IL15: variants seen among roughly 807,000 people sequenced by gnomAD.
IL15 encodes interleukin 15, also known as interleukin-15.
In IL15, 11 loss-of-function variants were observed where a neutral mutation model predicts 19.6. That is an observed-to-expected ratio of 0.56 (90% CI 0.35 to 0.93). The LOEUF (loss-of-function observed/expected upper bound fraction) is 0.93. IL15 is among the 40% of genes least tolerant of loss of function. The pLI is 0.01. For synonymous variants in IL15, 58 were observed against 59.6 expected, an observed-to-expected ratio of 0.97 and a Z score of 0.12; for missense variants, 197 against 186.5, an observed-to-expected ratio of 1.06 and a Z score of -0.33.
chr4:141,686,191 A>G (rs1178504449), intron 2 of IL15, among the ~76,000 whole-genome samples: 1 of 152,040 alleles, frequency 6.6e-6, no homozygotes, highest in Non-Finnish European at 1.5e-5. Context: ...GCTACTCAGG[A>G]GGCTGAGGGA....
At position 141,721,945 on chromosome 4, in the gene IL15, TA is replaced by T; in HGVS notation, c.136del (p.Thr46GlnfsTer6). 2 of 1,594,888 alleles carry T rather than the reference TA, an allele frequency of 1.3e-6. No homozygotes were observed. The highest frequency in any genetic ancestry group is 1.7e-6 in the Non-Finnish European group (2 of 1,165,416). ...TCAGCTGTTTCAGTGCAGGGCTTCC[TA>T]AAACAGAAGCCAACTGGGTGAATGT... ...ILGCFSAGLP[K>X]TEANWVNVIS... On this transcript the variant is annotated frameshift_variant, in exon 5 of 8. Coordinates refer to ENST00000320650, the MANE Select transcript of IL15 (RefSeq NM_000585.5). LOFTEE classifies it high-confidence loss of function.
rs1052409210 is a variant in IL15 at position 141,721,782 on chromosome 4, G to T, written c.111-142G>T. 15 of 715,814 alleles carry T rather than the reference G, an allele frequency of 2.1e-5. 1 individual carries two copies. The Admixed American group carries it at 4.3e-4, about 21-fold the overall frequency. The allele number at this position is 715,814 out of a possible 1,614,324, so 44.3% of individuals were successfully genotyped here. ...GCTCAATGTTTATGTTCAGTTACAA[G>T]GCTGTTGAATGCACAGAAGCAAGGA... On this transcript the variant is annotated intron_variant, in intron 4 of 7. Coordinates refer to ENST00000320650, the MANE Select transcript of IL15 (RefSeq NM_000585.5).
chr4:141,677,181 C>T (rs1332224683), intron 2 of IL15, among the ~76,000 whole-genome samples: 3 of 152,166 alleles, frequency 2.0e-5, no homozygotes, highest in Non-Finnish European at 2.9e-5. Context: ...TCTCCTTTCT[C>T]CCCTTCCACC....
At chr4:141,679,990 A>G (rs991667985) in intron 2 of IL15, among the ~76,000 whole-genome samples, 3 of 152,250 alleles carry the variant, frequency 2.0e-5, no homozygotes, top group Non-Finnish European at 4.4e-5. Context: ...TAGCAACCAA[A>G]ACAGAACAAA....
At chr4:141,673,096 T>C (rs530617712) in intron 2 of IL15, among the ~76,000 whole-genome samples, 6 of 152,340 alleles carry the variant, frequency 3.9e-5, no homozygotes, top group Admixed American at 1.3e-4. Context: ...ATACCTTCAC[T>C]TCTTAGCACA....
chr4:141,670,254 T>A (rs1428084400), intron 2 of IL15, among the ~76,000 whole-genome samples: 1 of 152,126 alleles, frequency 6.6e-6, no homozygotes, highest in African/African-American at 2.4e-5. Flanking sequence ...CTTTAGTTTA[T>A]GAGAGTATCA....
chr4:141,706,449 A>G (rs977107304), intron 2 of IL15, among the ~76,000 whole-genome samples: 5 of 152,052 alleles, frequency 3.3e-5, no homozygotes, highest in Non-Finnish European at 5.9e-5. Flanking sequence ...GGATTAAAAG[A>G]TTTGCATAAC....
chr4:141,645,840 T>C (rs1198185856), intron 1 of IL15, among the ~76,000 whole-genome samples: 1 of 152,054 alleles, frequency 6.6e-6, no homozygotes, highest in Non-Finnish European at 1.5e-5. Context: ...TCTGGGCTCC[T>C]TGGTTCTCCT....
At chr4:141,682,679 C>A (rs771236620) in intron 2 of IL15, among the ~76,000 whole-genome samples, 9 of 151,980 alleles carry the variant, frequency 5.9e-5, no homozygotes, top group Non-Finnish European at 1.0e-4. Flanking sequence ...AGTTGGGGAA[C>A]GATGAGAGAC....
intron 1 of IL15, among the ~76,000 whole-genome samples, chr4:141,649,676 G>A (rs1213269422): frequency 6.6e-6 from 1 of 151,956 alleles, no homozygotes; most frequent in East Asian, 1.9e-4. Context: ...AGTAAATAAA[G>A]CATTAGCTAA....
intron 1 of IL15, among the ~76,000 whole-genome samples, chr4:141,648,867 C>A (rs1208135157): frequency 6.6e-6 from 1 of 152,052 alleles, no homozygotes; most frequent in South Asian, 2.1e-4. Flanking sequence ...ACCAAAGAGG[C>A]TAACAGCACA....
intron 6 of IL15, among the ~76,000 whole-genome samples, chr4:141,728,242 T>C (rs1730334366): frequency 6.6e-6 from 1 of 152,102 alleles, no homozygotes; most frequent in Non-Finnish European, 1.5e-5. Context: ...AGATACATTA[T>C]ACGTTTTTGT....
intron 5 of IL15, 121 bp downstream of exon 5, chr4:141,722,129 T>C (rs545937590): frequency 1.6e-6 from 2 of 1,240,080 alleles, no homozygotes; most frequent in Non-Finnish European, 2.1e-6. Context: ...TGTAGAAATT[T>C]ATGATCTTAT....
At chr4:141,689,945 C>T (rs1041232451) in intron 2 of IL15, among the ~76,000 whole-genome samples, 31 of 152,184 alleles carry the variant, frequency 2.0e-4, no homozygotes, top group African/African-American at 5.8e-4. Flanking sequence ...CTCACAGGAG[C>T]CCATGGAGGG....
intron 1 of IL15, among the ~76,000 whole-genome samples, chr4:141,651,894 TAA>T (rs1428485864): frequency 1.3e-5 from 2 of 152,022 alleles, no homozygotes; most frequent in Non-Finnish European, 2.9e-5. Flanking sequence ...CCACTGCCAA[TAA>T]AACCCTCCAA....
At chr4:141,690,219 C>T (rs978222059) in intron 2 of IL15, among the ~76,000 whole-genome samples, 9 of 152,290 alleles carry the variant, frequency 5.9e-5, no homozygotes, top group African/African-American at 2.2e-4. Flanking sequence ...CACGCAGGCC[C>T]GGTTCCCGCT....
At chr4:141,693,036 A>AAAAAAAAAAAAAAAAAAAAAAAAAAAAAT in intron 2 of IL15, among the ~76,000 whole-genome samples, 1 of 147,912 alleles carries the variant, frequency 6.8e-6, no homozygotes, top group Non-Finnish European at 1.5e-5. Context: ...AAAAAAAAAA[A>AAAAAAAAAAAAAAAAAAAAAAAAAAAAAT]AAAAAAGATA....
At chr4:141,653,202 G>A (rs1245075604) in intron 1 of IL15, among the ~76,000 whole-genome samples, 1 of 152,100 alleles carries the variant, frequency 6.6e-6, no homozygotes, top group East Asian at 1.9e-4. Context: ...ATTATTTACA[G>A]CCTCCTTTGG....
At chr4:141,671,411 G>A (rs532389928) in intron 2 of IL15, among the ~76,000 whole-genome samples, 1 of 152,182 alleles carries the variant, frequency 6.6e-6, no homozygotes, top group African/African-American at 2.4e-5. Context: ...TGAATCTCGT[G>A]ATTTAAAATT....
Sources: allele counts gnomAD v4.1 joint callset (sites outside exome capture counted in the v4.1 genomes callset), GRCh38; gene constraint gnomAD v4.1.1; transcripts MANE v1.5; gene names NCBI Gene and HGNC (gene_info 2026-07-23, HGNC 2026-07-21).